KLF12: variants seen among roughly 807,000 people sequenced by gnomAD.
The protein encoded by KLF12 is KLF transcription factor 12, also known as Krueppel-like factor 12.
In KLF12, 9 loss-of-function variants were observed where a neutral mutation model predicts 37.8. That is an observed-to-expected ratio of 0.24 (90% CI 0.14 to 0.42). KLF12 has a LOEUF of 0.42. Among genes scored for constraint, KLF12 ranks in the 10% least tolerant of loss-of-function variants. The pLI is 1.00. For synonymous variants in KLF12, 208 were observed against 202.1 expected (o/e 1.03, Z -0.25); for missense variants, 411 against 516.0 (o/e 0.80, Z 1.97).
the KLF12 span, among the ~76,000 whole-genome samples, chr13:74,275,878 C>CTTCTTTCTTTCTTTCT: frequency 7.9e-4 from 42 of 52,948 alleles, 1 homozygote; most frequent in East Asian, 3.0e-3. Context: ...ATCTTTCTTT[C>CTTCTTTCTTTCTTTCT]TTCTTTCTTT....
At position 73,841,682 on chromosome 13, in the gene KLF12, G is replaced by A. The variant is rs145444249; in HGVS notation, c.670+4145C>T. On this transcript the variant is annotated intron_variant, in intron 4 of 7. Coordinates refer to ENST00000377669, the MANE Select transcript of KLF12 (RefSeq NM_007249.5). ...TCATGTCTTAGATTGCACAGTATAG[G>A]CTGGTGCAAGAGTAAATGCAGTTTA... Among the ~76,000 whole-genome samples the A allele has an allele frequency of 1.8e-3, 281 of 152,226 alleles. 1 individual carries two copies. The highest frequency in any genetic ancestry group is 5.9e-3 in the African/African-American group (247 of 41,522).
intron 3 of KLF12, among the ~76,000 whole-genome samples, chr13:73,917,933 GAA>G (rs754651604): frequency 1.4e-5 from 2 of 144,452 alleles, no homozygotes; most frequent in African/African-American, 2.5e-5. Flanking sequence ...AGTGAGAAAT[GAA>G]AAAAAAAAAA....
At chr13:73,743,971 G>C (rs1215423990) in intron 6 of KLF12, among the ~76,000 whole-genome samples, 1 of 152,122 alleles carries the variant, frequency 6.6e-6, no homozygotes, top group Non-Finnish European at 1.5e-5. Context: ...CTTTAAAAAA[G>C]TTTTGAGAAG....
chr13:73,866,885 AG>A (rs35667446), intron 3 of KLF12, among the ~76,000 whole-genome samples: 9,653 of 138,180 alleles, frequency 0.07, 586 homozygotes, highest in Admixed American at 0.17. Flanking sequence ...TGGGGCAAAA[AG>A]GGGGGGGGGA....
At chr13:74,273,062 G>T in the KLF12 span, among the ~76,000 whole-genome samples, 1 of 152,064 alleles carries the variant, frequency 6.6e-6, no homozygotes, top group Non-Finnish European at 1.5e-5. Flanking sequence ...TTTTGGTAGG[G>T]GTGTGCTCTA....
chr13:74,058,578 G>A (rs1030230861), intron 1 of KLF12, among the ~76,000 whole-genome samples: 14 of 150,102 alleles, frequency 9.3e-5, no homozygotes, highest in Middle Eastern at 3.6e-3. Context: ...GGATGGTCTC[G>A]ATCTCCTGAC....
the KLF12 span, among the ~76,000 whole-genome samples, chr13:74,166,336 G>T: frequency 6.6e-6 from 1 of 151,994 alleles, no homozygotes; most frequent in Non-Finnish European, 1.5e-5. Flanking sequence ...AAGGTGATTT[G>T]CTGCCTTGGC....
At chr13:74,143,142 GT>G in the KLF12 span, among the ~76,000 whole-genome samples, 1 of 143,068 alleles carries the variant, frequency 7.0e-6, no homozygotes, top group East Asian at 2.1e-4. Flanking sequence ...GTCCTATTCC[GT>G]CTTCTTCTCC....
rs1176970328 is a variant in KLF12 at position 74,055,762 on chromosome 13, T to C, written c.-31-60709A>G. ...AAAAACAACCAACAACAATTTACCC[T>C]AAACACTGAGTTGTTCTAGCAGCAG... On this transcript the variant is annotated intron_variant, in intron 1 of 7. Coordinates refer to ENST00000377669, the MANE Select transcript of KLF12 (RefSeq NM_007249.5). Among the ~76,000 whole-genome samples, 3 of 152,182 alleles carry C rather than the reference T, an allele frequency of 2.0e-5. No individual in the cohort carries two copies. The East Asian group carries it at 5.8e-4, about 29-fold the overall frequency.
chr13:73,820,824 TC>T (rs1883487138), intron 4 of KLF12, among the ~76,000 whole-genome samples: 2 of 152,370 alleles, frequency 1.3e-5, no homozygotes, highest in South Asian at 4.1e-4. Context: ...GTTGGACCTC[TC>T]TACAGTTTTC....
chr13:73,801,852 T>C (rs1882294119), intron 5 of KLF12: 1 of 152,152 alleles, frequency 6.6e-6, no homozygotes. Context: ...ATCAGTTCTA[T>C]CCATGGTGTA....
chr13:74,150,814 G>A, the KLF12 span, among the ~76,000 whole-genome samples: 1 of 152,112 alleles, frequency 6.6e-6, no homozygotes, highest in Non-Finnish European at 1.5e-5. Flanking sequence ...AAACAGTGTG[G>A]ATACACTAGA....
At chr13:73,835,677 T>C (rs1349408510) in intron 4 of KLF12, among the ~76,000 whole-genome samples, 1 of 151,974 alleles carries the variant, frequency 6.6e-6, no homozygotes, top group Non-Finnish European at 1.5e-5. Context: ...CAGTAAGAAA[T>C]ACGTATTTCA....
At chr13:74,186,028 A>G in the KLF12 span, among the ~76,000 whole-genome samples, 1 of 152,136 alleles carries the variant, frequency 6.6e-6, no homozygotes, top group Admixed American at 6.5e-5. Flanking sequence ...ATTAGCTATG[A>G]CTAATGATTA....
chr13:74,022,122 T>C (rs1292337833), intron 1 of KLF12, among the ~76,000 whole-genome samples: 1 of 152,080 alleles, frequency 6.6e-6, no homozygotes, highest in Non-Finnish European at 1.5e-5. Flanking sequence ...ATGAAGGAAA[T>C]GGCAACAATA....
intron 5 of KLF12, among the ~76,000 whole-genome samples, chr13:73,805,642 G>GAGGC (rs1882545741): frequency 2.5e-5 from 1 of 39,350 alleles, no homozygotes; most frequent in Non-Finnish European, 4.5e-5. Flanking sequence ...GGGAGGGAGG[G>GAGGC]AGGGAGGGAG....
At chr13:74,183,220 T>G in the KLF12 span, among the ~76,000 whole-genome samples, 1 of 152,206 alleles carries the variant, frequency 6.6e-6, no homozygotes, top group Non-Finnish European at 1.5e-5. Flanking sequence ...ATGGTTCATG[T>G]CTTCAGAAAG....
At chr13:74,187,193 T>G in the KLF12 span, among the ~76,000 whole-genome samples, 4 of 152,152 alleles carry the variant, frequency 2.6e-5, no homozygotes, top group Non-Finnish European at 4.4e-5. Flanking sequence ...CTGGGTATGG[T>G]GGCATGTGCT....
intron 6 of KLF12, among the ~76,000 whole-genome samples, chr13:73,746,117 T>C (rs1277114780): frequency 1.3e-5 from 2 of 151,768 alleles, no homozygotes; most frequent in Non-Finnish European, 2.9e-5. Flanking sequence ...TGTGTATATG[T>C]ACATGTGGGC....
Sources: allele counts gnomAD v4.1 joint callset (sites outside exome capture counted in the v4.1 genomes callset), GRCh38; gene constraint gnomAD v4.1.1; transcripts MANE v1.5; gene names NCBI Gene and HGNC (gene_info 2026-07-23, HGNC 2026-07-21).